SYNE1: variants seen among roughly 807,000 people sequenced by gnomAD.
SYNE1 encodes nesprin-1.
A neutral mutation model predicts 1,111.0 loss-of-function variants in SYNE1; 616 were observed. The ratio of observed to expected loss-of-function variants is 0.55; its 90% CI spans 0.52 to 0.59. The LOEUF (loss-of-function observed/expected upper bound fraction) is 0.59. Ranked by LOEUF, SYNE1 falls within the 20% of genes least tolerant of loss-of-function variation. The pLI, the probability that SYNE1 is intolerant of heterozygous loss-of-function variation, is 0.00. For missense variants in SYNE1, 10,006 were observed against 10,417.0 expected (o/e 0.96, Z 1.72); for synonymous variants, 3,855 against 3,825.8 (o/e 1.01, Z -0.28).
At chr6:152,353,889 C>A in intron 67 of SYNE1, 145 bp from the exon 68 acceptor site, 1 of 995,540 alleles carries the variant, frequency 1.0e-6, no homozygotes, top group Non-Finnish European at 1.5e-6. Flanking sequence ...CATATGTTAT[C>A]TTCATAAATA....
intron 3 of SYNE1, among the ~76,000 whole-genome samples, chr6:152,578,063 C>CA (rs1409661113): frequency 6.6e-6 from 1 of 152,044 alleles, no homozygotes; most frequent in African/African-American, 2.4e-5. Context: ...ATCTAGATAG[C>CA]AAAAATGGTT....
At chr6:152,441,965 G>T in intron 31 of SYNE1, 110 bp downstream of exon 31, 2 of 1,289,460 alleles carry the variant, frequency 1.6e-6, no homozygotes, top group Non-Finnish European at 2.2e-6. Flanking sequence ...TTAACACAGG[G>T]CTGAAACATC....
chr6:152,615,165 T>A (rs556160753), intron 3 of SYNE1, among the ~76,000 whole-genome samples: 38 of 152,296 alleles, frequency 2.5e-4, no homozygotes, highest in African/African-American at 8.9e-4. Context: ...ATTGTATAAC[T>A]CTTTCAGGAT....
intron 44 of SYNE1, among the ~76,000 whole-genome samples, chr6:152,407,606 A>C (rs562282116): frequency 1.3e-5 from 2 of 152,330 alleles, no homozygotes; most frequent in East Asian, 3.9e-4. Context: ...AATTAGATTC[A>C]AACATATTTA....
chr6:152,226,736 AG>A (rs2081652315), intron 115 of SYNE1, among the ~76,000 whole-genome samples: 1 of 152,176 alleles, frequency 6.6e-6, no homozygotes, highest in African/African-American at 2.4e-5. Flanking sequence ...CTTGGGTAAA[AG>A]AGCTGGTGAG....
At chr6:152,625,848 C>T (rs2099684597) in intron 3 of SYNE1, among the ~76,000 whole-genome samples, 1 of 152,184 alleles carries the variant, frequency 6.6e-6, no homozygotes, top group Non-Finnish European at 1.5e-5. Context: ...ATTTGAATGG[C>T]TCACCATATC....
At chr6:152,135,450 C>T (rs141009592) in intron 141 of SYNE1, among the ~76,000 whole-genome samples, 116 of 152,182 alleles carry the variant, frequency 7.6e-4, no homozygotes, top group African/African-American at 2.5e-3. Flanking sequence ...ACAATTTAGA[C>T]GAAAGGAAAA....
At chr6:152,323,420 CAG>C in intron 82 of SYNE1, 56 bp downstream of exon 82, 9 of 1,598,432 alleles carry the variant, frequency 5.6e-6, no homozygotes, top group Non-Finnish European at 7.6e-6. Flanking sequence ...GCCTGGGCGA[CAG>C]AGCGAGACTC....
chr6:152,436,389 A>C (rs958531092), intron 32 of SYNE1, among the ~76,000 whole-genome samples: 6 of 151,708 alleles, frequency 4.0e-5, no homozygotes, highest in African/African-American at 1.5e-4. Context: ...GCAGCTTCCA[A>C]CTCCTGGGTT....
intron 57 of SYNE1, 44 bp from the exon 58 acceptor site, chr6:152,376,602 A>C: frequency 1.9e-6 from 3 of 1,606,792 alleles, no homozygotes; most frequent in Non-Finnish European, 2.5e-6. Flanking sequence ...AAAAGCGATA[A>C]AGTTGATGAA....
At chr6:152,261,998 T>C (rs1290496761) in intron 101 of SYNE1, 34 bp downstream of exon 101, 19 of 1,536,120 alleles carry the variant, frequency 1.2e-5, no homozygotes, top group Non-Finnish European at 1.6e-5. Flanking sequence ...ACATCTTTTA[T>C]ATTAGTTAAT....
intron 87 of SYNE1, among the ~76,000 whole-genome samples, chr6:152,312,362 G>A (rs1049487408): frequency 9.3e-5 from 14 of 150,370 alleles, no homozygotes; most frequent in Admixed American, 6.0e-4. Flanking sequence ...GGCATGAGCC[G>A]CCACGCCCAG....
chr6:152,609,632 C>T (rs1727057), intron 3 of SYNE1, among the ~76,000 whole-genome samples: 29,615 of 152,092 alleles, frequency 0.19, 3,647 homozygotes, highest in East Asian at 0.36. Flanking sequence ...TCTCCCAGCA[C>T]GGCGTTTGAG....
chr6:152,578,302 T>C (rs937870747), intron 3 of SYNE1, among the ~76,000 whole-genome samples: 9 of 152,130 alleles, frequency 5.9e-5, no homozygotes, highest in African/African-American at 2.2e-4. Flanking sequence ...ATATGAAAAC[T>C]TCATATCCTT....
chr6:152,323,750 G>A lies in SYNE1; in HGVS notation c.15658-13C>T. 1 of 1,613,844 alleles carries A rather than the reference G, an allele frequency of 6.2e-7. No homozygotes were observed. Among genetic ancestry groups the A allele is most frequent in the African/African-American group, 1.3e-5 (1 of 75,002 alleles). On this transcript the variant is annotated splice_polypyrimidine_tract_variant and intron_variant, in intron 81 of 145. Coordinates refer to ENST00000367255, the MANE Select transcript of SYNE1 (RefSeq NM_182961.4). ...TGGCCTTTTTAACCTGATGACAAATGTACATACTATGAAGTTCAATAATAA... is the reference window on the plus strand; with the variant it reads ...TGGCCTTTTTAACCTGATGACAAATATACATACTATGAAGTTCAATAATAA...
chr6:152,135,918 CT>C (rs532386938), intron 141 of SYNE1, among the ~76,000 whole-genome samples: 34 of 152,270 alleles, frequency 2.2e-4, no homozygotes, highest in Admixed American at 1.9e-3. Context: ...AGCTCACCGA[CT>C]ACACTCTGGT....
chr6:152,600,989 G>A (rs781760496), intron 3 of SYNE1, among the ~76,000 whole-genome samples: 11 of 152,134 alleles, frequency 7.2e-5, no homozygotes, highest in African/African-American at 1.4e-4. Context: ...TTCTTCCCAC[G>A]TATTTACAAT....
At position 152,350,298 on chromosome 6, in the gene SYNE1, T is replaced by A. The variant is rs756029164; in HGVS notation, c.11771A>T (p.His3924Leu). ...TTGGAGCTCACTGTTGTAGTCTTCA[T>A]GGTCTTTGACTTTCGCCTCCAGACT... ...VFSLEAKVKD[H>L]EDYNSELQEV... The change falls in exon 72 of 146, where the codon CAT becomes CTT. Residue 3924 changes from histidine (H) to leucine (L), a missense_variant. His to Leu is a moderately conservative substitution (Grantham distance 99, BLOSUM62 -3). Around this residue, in one of 7 missense-constraint regions of SYNE1, gnomAD observed 4,955 missense variants for 5,017.2 expected, o/e 0.99. Transcript: ENST00000367255. 6.2e-7 allele frequency: 1 copy of A among 1,614,076 alleles called. No homozygotes were observed. Among genetic ancestry groups the A allele is most frequent in the Non-Finnish European group, 8.5e-7 (1 of 1,180,038 alleles).
chr6:152,576,806 C>T (rs1011502673), intron 3 of SYNE1, among the ~76,000 whole-genome samples: 9 of 152,142 alleles, frequency 5.9e-5, no homozygotes, highest in African/African-American at 2.2e-4. Flanking sequence ...AGTGTAATCA[C>T]ATTTAGTCCG....
Sources: gnomAD v4.1 joint callset for allele counts (sites outside exome capture counted in the v4.1 genomes callset) on GRCh38, gnomAD v4.1.1 for gene constraint, gnomAD v4.1.1 regional missense constraint, MANE v1.5 for transcripts, NCBI Gene and HGNC (gene_info 2026-07-23, HGNC 2026-07-21) for gene names.